L3MBTL1: variants seen among roughly 807,000 people sequenced by gnomAD.
The protein encoded by L3MBTL1 is L3MBTL histone methyl-lysine binding protein 1, also known as lethal(3)malignant brain tumor-like protein 1.
L3MBTL1 carries 75 observed loss-of-function variants against 105.3 expected under a neutral mutation model. The observed-to-expected ratio is 0.71, with a 90% CI of 0.59 to 0.86. The LOEUF (loss-of-function observed/expected upper bound fraction) is 0.86, where lower values mean the gene tolerates loss of function less well. Among genes scored for constraint, L3MBTL1 ranks in the 40% least tolerant of loss-of-function variants. L3MBTL1 has a pLI of 0.00. For synonymous variants in L3MBTL1, 452 were observed against 436.2 expected, an observed-to-expected ratio of 1.04 and a Z score of -0.45; for missense variants, 1,069 against 1,126.4, an observed-to-expected ratio of 0.95 and a Z score of 0.73.
At chr20:43,508,583 CAA>C (rs1568915327) in intron 1 of L3MBTL1, among the ~76,000 whole-genome samples, 1 of 152,234 alleles carries the variant, frequency 6.6e-6, no homozygotes, top group Non-Finnish European at 1.5e-5. Flanking sequence ...TGTCAGACAT[CAA>C]GAGAAAATAC....
intron 16 of L3MBTL1, 74 bp downstream of exon 16, chr20:43,535,016 G>C (rs2019534900): frequency 9.7e-7 from 1 of 1,031,420 alleles, no homozygotes; most frequent in African/African-American, 1.6e-5. Flanking sequence ...TGCCTACAGA[G>C]CTCTGACTCC....
chr20:43,548,330 C>T (rs765056016), exon 19 of L3MBTL1: 2 of 1,118,436 alleles, frequency 1.8e-6, no homozygotes, highest in Non-Finnish European at 2.4e-6. Flanking sequence ...ATTCCTCATA[C>T]CCCACACGTC....
At chr20:43,529,098 TTCTC>T (rs146663372) in intron 8 of L3MBTL1, 162 bp from the exon 9 acceptor site, 44 of 597,160 alleles carry the variant, frequency 7.4e-5, no homozygotes, top group Non-Finnish European at 8.7e-5. Flanking sequence ...CTGGGAGATA[TTCTC>T]TCTCTCTCTC....
rs1294153451 is a variant in L3MBTL1, at chr20:43,528,763, C to T, written c.951+18C>T. 7 of 1,587,098 alleles carry T rather than the reference C, an allele frequency of 4.4e-6. No homozygotes were observed. In the Admixed American group the frequency reaches 1.2e-4, roughly 26 times the overall value. On this transcript the variant is annotated intron_variant, in intron 8 of 21. Transcript: ENST00000418998. ...TCCAGGACGTGAGTTGGACAATTTC[C>T]CCGTAGGAACAGCTTGTCTTCCTAG...
chr20:43,540,423 T>C (rs2019857487), intron 20 of L3MBTL1, 115 bp downstream of exon 20: 1 of 1,202,356 alleles, frequency 8.3e-7, no homozygotes, highest in African/African-American at 1.5e-5. Flanking sequence ...GCACTACCTC[T>C]TGCTCATCTG....
chr20:43,524,863 T>G (rs1377500652), intron 7 of L3MBTL1, among the ~76,000 whole-genome samples: 1 of 152,108 alleles, frequency 6.6e-6, no homozygotes, highest in African/African-American at 2.4e-5. Context: ...TCACCAAGGC[T>G]GTGTGTGGTG....
At position 43,515,162 on chromosome 20, in the gene L3MBTL1, A is replaced by G; in HGVS notation, c.653+3A>G. ...TGCCCTCAGCTGTTCCAGGAGCGGT[A>G]AGGGGAGGAGGTCGCAGCCCTACTT... On this transcript the variant is annotated splice_donor_region_variant and intron_variant, in intron 5 of 21. Transcript: ENST00000418998. 1 of 1,614,078 alleles carries G rather than the reference A, an allele frequency of 6.2e-7. No homozygotes were observed. The highest frequency in any genetic ancestry group is 8.5e-7 in the Non-Finnish European group (1 of 1,179,990).
intron 7 of L3MBTL1, among the ~76,000 whole-genome samples, chr20:43,517,479 T>C (rs931240048): frequency 2.0e-5 from 3 of 151,486 alleles, no homozygotes; most frequent in African/African-American, 4.9e-5. Flanking sequence ...ACAGACACAC[T>C]ACAGCCTGGG....
rs1396442845 is a variant in L3MBTL1 at position 43,540,185 on chromosome 20, C to T, written c.2208C>T (p.Phe736=). The T allele has an allele frequency of 6.2e-7, 1 of 1,613,382 alleles. No homozygotes were observed. The highest frequency in any genetic ancestry group is 2.2e-5 in the East Asian group (1 of 44,880). Residue 736 remains phenylalanine, a synonymous_variant, in exon 20 of 22, where the codon TTC becomes TTT. Transcript: ENST00000418998. ...LTPDVVHQSL[F]MSALSAHPDR... ...CCGATGTCGTGCACCAGTCCCTCTT[C>T]ATGTCAGCCCTGTCGGCCCACCCTG...
intron 11 of L3MBTL1, chr20:43,531,160 C>G: frequency 2.3e-6 from 1 of 438,572 alleles, no homozygotes; most frequent in East Asian, 4.0e-5. Flanking sequence ...GCCCACTACC[C>G]TAGTCTGAGC....
rs2018013759 is a variant in L3MBTL1, at chr20:43,507,714, G to A, written c.-59G>A. On this transcript the variant is annotated 5_prime_UTR_variant, in exon 1 of 22. Transcript: ENST00000418998. ...CGGCGCCCGGCTCGGACCGTAGCTA[G>A]GCGCTGGGCGGCCACCGGCTGGCCA... 1 of 152,068 alleles carries A rather than the reference G, an allele frequency of 6.6e-6. No individual in the cohort carries two copies. Among genetic ancestry groups the A allele is most frequent in the Non-Finnish European group, 1.5e-5 (1 of 67,988 alleles). 9.4% of individuals were successfully genotyped at this position (152,068 alleles called of 1,614,324 possible).
In L3MBTL1 at chr20:43,541,304, T is replaced by A. The variant is rs1189057857; in HGVS notation, c.*176T>A. ...GCTTTGGAGACAGTCTGGGTTTAAA[T>A]CCCAGTTCTGTCAATTTGAGCTGTT... is the stretch of plus-strand genomic sequence containing the variant. On this transcript the variant is annotated 3_prime_UTR_variant, in exon 22 of 22. Coordinates refer to ENST00000418998, the MANE Select transcript of L3MBTL1 (RefSeq NM_001377303.1). 2 of 1,244,162 alleles carry A rather than the reference T, an allele frequency of 1.6e-6. No individual in the cohort carries two copies. Among genetic ancestry groups the A allele is most frequent in the Non-Finnish European group, 2.2e-6 (2 of 929,702 alleles). The allele number at this position is 1,244,162 out of a possible 1,614,324, so 77.1% of individuals were successfully genotyped here. A position where few individuals can be genotyped will look rare whatever the true frequency, so the allele number is the denominator to read the frequency against.
At chr20:43,529,085 G>A in intron 8 of L3MBTL1, 179 bp from the exon 9 acceptor site, 2 of 614,904 alleles carry the variant, frequency 3.3e-6, no homozygotes, top group South Asian at 3.9e-5. Flanking sequence ...TTTTTCAAGG[G>A]ACCTGGGAGA....
intron 7 of L3MBTL1, among the ~76,000 whole-genome samples, chr20:43,523,874 A>G (rs1005860680): frequency 1.3e-5 from 2 of 152,098 alleles, no homozygotes; most frequent in South Asian, 2.1e-4. Flanking sequence ...GCATACCTGT[A>G]ATCCCAGCTA....
chr20:43,519,989 G>GACAA (rs1568920298), intron 7 of L3MBTL1, among the ~76,000 whole-genome samples: 1 of 150,934 alleles, frequency 6.6e-6, no homozygotes, highest in Non-Finnish European at 1.5e-5. Flanking sequence ...ATTCAGTGGG[G>GACAA]TTTTTTTTTG....
At position 43,513,904 on chromosome 20, in the gene L3MBTL1, T is replaced by A; in HGVS notation, c.203T>A (p.Ile68Asn). ...LDVSCFPREP[I>N]HVGAPEQVAG... is the part of the protein sequence containing the mutation. ...GTGTCTTGCTTTCCCCGGGAGCCAA[T>A]CCATGTGGGTGCCCCGGAGCAAGTG... Residue 68 changes from isoleucine (I) to asparagine (N), a missense_variant, in exon 3 of 22, where the codon ATC becomes AAC. By Grantham distance (149) the Ile-to-Asn change is moderately radical. Coordinates refer to ENST00000418998, the MANE Select transcript of L3MBTL1 (RefSeq NM_001377303.1). 6.4e-7 allele frequency: 1 copy of A among 1,550,580 alleles called. No homozygotes were observed. Among genetic ancestry groups the A allele is most frequent in the Non-Finnish European group, 8.7e-7 (1 of 1,146,988 alleles).
At chr20:43,533,269 C>A in intron 12 of L3MBTL1, 73 bp from the exon 13 acceptor site, 2 of 1,405,006 alleles carry the variant, frequency 1.4e-6, no homozygotes, top group Non-Finnish European at 2.0e-6. Flanking sequence ...GGGCCCTGAG[C>A]CATGCTTTCA....
intron 9 of L3MBTL1, among the ~76,000 whole-genome samples, 198 bp downstream of exon 9, chr20:43,529,566 A>G (rs2019218185): frequency 6.6e-6 from 1 of 152,206 alleles, no homozygotes. Flanking sequence ...TATTGGATGA[A>G]TGTATACTGT....
intron 9 of L3MBTL1, among the ~76,000 whole-genome samples, chr20:43,529,624 A>G (rs1255924224): frequency 1.3e-5 from 2 of 152,196 alleles, no homozygotes; most frequent in African/African-American, 2.4e-5. Flanking sequence ...GGATGTTGGC[A>G]TGAGTCAAAC....
Sources: allele counts gnomAD v4.1 joint callset (sites outside exome capture counted in the v4.1 genomes callset), GRCh38; gene constraint gnomAD v4.1.1; transcripts MANE v1.5; gene names NCBI Gene and HGNC (gene_info 2026-07-23, HGNC 2026-07-21).